ASB7: variants seen among roughly 807,000 people sequenced by gnomAD.
The protein encoded by ASB7 is ankyrin repeat and SOCS box protein 7.
ASB7 carries 4 observed loss-of-function variants against 32.5 expected under a neutral mutation model. The observed-to-expected ratio is 0.12, with a 90% CI of 0.06 to 0.28. The LOEUF is 0.28. ASB7 is among the 10% of genes least tolerant of loss of function. The probability of loss-of-function intolerance (pLI) is 1.00; values close to 1 mark genes in which losing one functional copy is unlikely to be tolerated. For synonymous variants in ASB7, 172 were observed against 155.6 expected (o/e 1.11, Z -0.78); for missense variants, 181 against 407.1 (o/e 0.44, Z 4.78).
chr15:100,632,597 G>T lies in ASB7; in HGVS notation c.817+2555G>T, dbSNP rs140807128. Among the ~76,000 whole-genome samples, 1,369 of 152,250 alleles carry T rather than the reference G, an allele frequency of 9.0e-3. 16 individuals carry two copies. The highest frequency in any genetic ancestry group is 0.015 in the Non-Finnish European group (1,022 of 68,026). On this transcript the variant is annotated intron_variant, in intron 5 of 5. Transcript: ENST00000332783. ...AAATCAAAGCTGAGAGCTTCTTCTAGCCCGCGTGCTGTGGGCACCGCAGCC... is the reference window on the plus strand; with the variant it reads ...AAATCAAAGCTGAGAGCTTCTTCTATCCCGCGTGCTGTGGGCACCGCAGCC...
chr15:100,632,670 G>A (rs1039435436), intron 5 of ASB7, among the ~76,000 whole-genome samples: 3 of 152,042 alleles, frequency 2.0e-5, no homozygotes, highest in Admixed American at 6.5e-5. Flanking sequence ...AGACTGCCGA[G>A]GTATAAGGAC....
intron 5 of ASB7, among the ~76,000 whole-genome samples, chr15:100,640,775 G>T (rs2039955625): frequency 1.3e-5 from 2 of 152,196 alleles, no homozygotes; most frequent in Non-Finnish European, 1.5e-5. Context: ...ATGTCACAGG[G>T]AGGTGATTTA....
In ASB7 at chr15:100,648,508, T is replaced by G. The variant is rs537744530; in HGVS notation, c.*46T>G. ...GATTAGGAGTTCTATTCTAGATACT[T>G]AAAAGGCTTTTTGCCTTGCACAAAG... On this transcript the variant is annotated 3_prime_UTR_variant, in exon 6 of 6. Transcript: ENST00000332783. 4.6e-6 allele frequency: 7 copies of G among 1,505,948 alleles called. No homozygotes were observed. Among genetic ancestry groups the G allele is most frequent in the Non-Finnish European group, 6.3e-6 (7 of 1,105,048 alleles). 93.3% of individuals were successfully genotyped at this position (1,505,948 alleles called of 1,614,324 possible).
intron 4 of ASB7, among the ~76,000 whole-genome samples, chr15:100,626,651 G>GTC (rs988931727): frequency 6.6e-6 from 1 of 151,982 alleles, no homozygotes; most frequent in South Asian, 2.1e-4. Flanking sequence ...CTCTCTGTCT[G>GTC]TCTCTCTCTC....
chr15:100,614,001 G>A (rs1338985791), intron 4 of ASB7, among the ~76,000 whole-genome samples: 2 of 152,136 alleles, frequency 1.3e-5, no homozygotes, highest in Non-Finnish European at 2.9e-5. Flanking sequence ...GACCAAGCGT[G>A]GTAGCTCACG....
chr15:100,618,565 CTT>C (rs2039764235), intron 4 of ASB7, among the ~76,000 whole-genome samples: 1 of 152,152 alleles, frequency 6.6e-6, no homozygotes, highest in Non-Finnish European at 1.5e-5. Flanking sequence ...AGAAACAAGA[CTT>C]GACTTTTCAC....
chr15:100,612,199 A>G lies in ASB7; in HGVS notation c.-18A>G, dbSNP rs750516317. On this transcript the variant is annotated 5_prime_UTR_variant, in exon 4 of 6. Coordinates refer to ENST00000332783, the MANE Select transcript of ASB7 (RefSeq NM_198243.3). The stretch of plus-strand genomic sequence containing the variant: ...CCGTAACCTAATGAATCCTTTGTAA[A>G]AAGTGGACTCAGCTAGGATGTTACA... 1.9e-6 allele frequency: 3 copies of G among 1,597,400 alleles called. No individual in the cohort carries two copies. Among genetic ancestry groups the G allele is most frequent in the Non-Finnish European group, 1.7e-6 (2 of 1,165,436 alleles).
rs76039783 is a variant in ASB7, at chr15:100,630,100, G to A, written c.817+58G>A. The A allele has an allele frequency of 3.1e-3, 4,497 of 1,453,120 alleles. 88 individuals are homozygous for A. In the African/African-American group the frequency reaches 0.044, roughly 14 times the overall value. The allele number at this position is 1,453,120 out of a possible 1,614,324, so 90.0% of individuals were successfully genotyped here. A position where few individuals can be genotyped will look rare whatever the true frequency, so the allele number is the denominator to read the frequency against. ...TTTAAAAATTTGCATCTTCTGAGGA[G>A]CTTAATGTGTTTTTGCAACTTAAGA... On this transcript the variant is annotated intron_variant, in intron 5 of 5. Coordinates refer to ENST00000332783, the MANE Select transcript of ASB7 (RefSeq NM_198243.3).
chr15:100,618,307 G>T (rs549562792), intron 4 of ASB7, among the ~76,000 whole-genome samples: 3 of 151,998 alleles, frequency 2.0e-5, no homozygotes, highest in African/African-American at 7.2e-5. Context: ...TAGAGACGGG[G>T]TTTCACCATG....
At chr15:100,630,554 G>A (rs980100431) in intron 5 of ASB7, among the ~76,000 whole-genome samples, 1 of 152,216 alleles carries the variant, frequency 6.6e-6, no homozygotes, top group Admixed American at 6.5e-5. Flanking sequence ...TGTATTTAGG[G>A]ATACCACTCG....
At chr15:100,634,158 G>A (rs370867873) in intron 5 of ASB7, among the ~76,000 whole-genome samples, 2 of 152,202 alleles carry the variant, frequency 1.3e-5, no homozygotes, top group South Asian at 4.1e-4. Flanking sequence ...GTGAGTTACT[G>A]AGTTTTTTTT....
At chr15:100,625,486 TTAA>T (rs1288870686) in intron 4 of ASB7, among the ~76,000 whole-genome samples, 1 of 152,158 alleles carries the variant, frequency 6.6e-6, no homozygotes, top group African/African-American at 2.4e-5. Context: ...TTTAAAATAT[TTAA>T]TAATAAATTT....
Position 100,629,321 on chromosome 15 carries a change from A to C in ASB7, c.212-116A>C, listed in dbSNP as rs1043094576. On this transcript the variant is annotated intron_variant, in intron 4 of 5. Transcript: ENST00000332783. This position sits in a 1 kb window ranked among gnomAD's most constrained non-coding sequence, Gnocchi z 6.8. Reference sequence around the variant, plus strand: ...GAAAAACGTACTTGATATTCATTACAGTGTTTGGTTGCTTCACATTTTATA... The same window carrying C: ...GAAAAACGTACTTGATATTCATTACCGTGTTTGGTTGCTTCACATTTTATA... 93 of 892,018 alleles carry C rather than the reference A, an allele frequency of 1.0e-4. No individual in the cohort carries two copies. Among genetic ancestry groups the C allele is most frequent in the Non-Finnish European group, 1.5e-4 (85 of 573,704 alleles). 55.3% of individuals were successfully genotyped at this position (892,018 alleles called of 1,614,324 possible).
rs1358317586 is a variant in ASB7 at position 100,602,799 on chromosome 15, G to A, written c.-520G>A. On this transcript the variant is annotated 5_prime_UTR_variant, in exon 1 of 6. Coordinates refer to ENST00000332783, the MANE Select transcript of ASB7 (RefSeq NM_198243.3). ...CTGCTCCGAGCCCTGGACCGGGACTGCCCCCCCACCCGAGCCAGGACTTCC... is the reference window on the plus strand; with the variant it reads ...CTGCTCCGAGCCCTGGACCGGGACTACCCCCCCACCCGAGCCAGGACTTCC... 5 of 389,920 alleles carry A rather than the reference G, an allele frequency of 1.3e-5. No homozygotes were observed. Among genetic ancestry groups the A allele is most frequent in the Non-Finnish European group, 1.8e-5 (4 of 221,386 alleles). 24.2% of individuals were successfully genotyped at this position (389,920 alleles called of 1,614,324 possible).
chr15:100,620,514 TGG>T, intron 4 of ASB7, among the ~76,000 whole-genome samples: 1 of 81,522 alleles, frequency 1.2e-5, no homozygotes, highest in Non-Finnish European at 3.6e-5. Context: ...TAAGCACAAA[TGG>T]GATGCATATA....
chr15:100,603,125 C>G, intron 1 of ASB7, 79 bp downstream of exon 1: 1 of 397,718 alleles, frequency 2.5e-6, no homozygotes, highest in Non-Finnish European at 4.4e-6. Context: ...CTTTTTCTTG[C>G]CTGCCCTTGC....
At chr15:100,645,693 T>C in intron 5 of ASB7, 9 of 1,541,858 alleles carry the variant, frequency 5.8e-6, no homozygotes, top group East Asian at 2.3e-5. Context: ...GAACCATCTT[T>C]AGTTTGGGGA....
At chr15:100,642,477 A>G (rs1024879899) in intron 5 of ASB7, among the ~76,000 whole-genome samples, 1 of 152,196 alleles carries the variant, frequency 6.6e-6, no homozygotes, top group African/African-American at 2.4e-5. Flanking sequence ...TCCAGCTTCT[A>G]GTAACAGTCA....
At position 100,629,658 on chromosome 15, in the gene ASB7, C is replaced by G; in HGVS notation, c.433C>G (p.Pro145Ala). Residue 145 changes from proline (P) to alanine (A), a missense_variant, in exon 5 of 6, where the codon CCA becomes GCA. Coordinates refer to ENST00000332783, the MANE Select transcript of ASB7 (RefSeq NM_198243.3). This position sits in a 1 kb window ranked among gnomAD's most constrained non-coding sequence, Gnocchi z 6.8. Reference sequence around the variant, plus strand: ...CCTGGAGTTCAAGGCTGAGGTTGACCCACTCAGTGATAAAGGTACCACACC... The same window carrying G: ...CCTGGAGTTCAAGGCTGAGGTTGACGCACTCAGTGATAAAGGTACCACACC... ...LLLEFKAEVD[P>A]LSDKGTTPLQ... 1 of 1,614,162 alleles carries G rather than the reference C, an allele frequency of 6.2e-7. No individual in the cohort carries two copies. The highest frequency in any genetic ancestry group is 8.5e-7 in the Non-Finnish European group (1 of 1,180,036).
Sources: gnomAD v4.1 joint callset for allele counts (sites outside exome capture counted in the v4.1 genomes callset) on GRCh38, gnomAD v4.1.1 for gene constraint, Gnocchi (gnomAD v3.1) non-coding constraint, MANE v1.5 for transcripts, NCBI Gene and HGNC (gene_info 2026-07-23, HGNC 2026-07-21) for gene names.